DNAH14: variants seen among roughly 807,000 people sequenced by gnomAD.
The protein encoded by DNAH14 is axonemal beta dynein heavy chain 14.
DNAH14 carries 478 observed loss-of-function variants against 520.9 expected under a neutral mutation model. The ratio of observed to expected loss-of-function variants is 0.92; its 90% CI spans 0.85 to 0.99. DNAH14 has a LOEUF of 0.99. Among genes scored for constraint, DNAH14 ranks in the 50% least tolerant of loss-of-function variants. The pLI is 0.00. For synonymous variants in DNAH14, 1,581 were observed against 1,757.2 expected, an observed-to-expected ratio of 0.90 and a Z score of 2.51; for missense variants, 4,831 against 5,234.5, an observed-to-expected ratio of 0.92 and a Z score of 2.38.
At chr1:225,229,259 G>A (rs1225765105) in intron 41 of DNAH14, among the ~76,000 whole-genome samples, 1 of 152,070 alleles carries the variant, frequency 6.6e-6, no homozygotes, top group Non-Finnish European at 1.5e-5. Flanking sequence ...GAGTCTTTGG[G>A]ACAGACTCAG....
At chr1:225,366,199 A>G (rs1303560864) in intron 76 of DNAH14, among the ~76,000 whole-genome samples, 2 of 152,236 alleles carry the variant, frequency 1.3e-5, no homozygotes, top group African/African-American at 4.8e-5. Flanking sequence ...TAATGAAATA[A>G]CTACTCTCAC....
chr1:225,261,124 C>T (rs1198158445), intron 46 of DNAH14, among the ~76,000 whole-genome samples: 2 of 152,078 alleles, frequency 1.3e-5, no homozygotes, highest in African/African-American at 4.8e-5. Context: ...ATTTGTATGC[C>T]TTTTATTTCT....
At chr1:224,934,313 A>G (rs1032134863) in intron 1 of DNAH14, among the ~76,000 whole-genome samples, 2 of 152,002 alleles carry the variant, frequency 1.3e-5, no homozygotes, top group Non-Finnish European at 2.9e-5. Flanking sequence ...TGAATGAGTA[A>G]TTTCCTAAAG....
rs896274282 is a variant in DNAH14, at chr1:225,206,979, T to C, written c.6198T>C (p.Asp2066=). 1 of 1,498,114 alleles carries C rather than the reference T, an allele frequency of 6.7e-7. No individual in the cohort carries two copies. The highest frequency in any genetic ancestry group is 8.9e-7 in the Non-Finnish European group (1 of 1,123,906). 92.8% of individuals were successfully genotyped at this position (1,498,114 alleles called of 1,614,324 possible). A position where few individuals can be genotyped will look rare whatever the true frequency, so the allele number is the denominator to read the frequency against. The change falls in exon 41 of 86, where the codon GAT becomes GAC. Residue 2066 remains aspartate, a synonymous_variant. Transcript: ENST00000682510. ...RCAMVYMDPV[D]LGWEPYVKSW... is the part of the protein sequence containing the mutation. The stretch of plus-strand genomic sequence containing the variant: ...CTCCTTATTATTAGGATCCTGTTGA[T>C]CTGGGATGGGAACCTTATGTTAAGT...
At chr1:224,996,929 T>G (rs1402122575) in intron 8 of DNAH14, among the ~76,000 whole-genome samples, 1 of 152,064 alleles carries the variant, frequency 6.6e-6, no homozygotes, top group East Asian at 1.9e-4. Flanking sequence ...TTTGTTATAT[T>G]GCGCTGTGGT....
chr1:224,951,644 ATTTT>A (rs67437504), intron 1 of DNAH14, among the ~76,000 whole-genome samples: 5,414 of 80,024 alleles, frequency 0.068, 130 homozygotes, highest in East Asian at 0.25. Context: ...AGATTTCTGG[ATTTT>A]TTTTTTTTTT....
chr1:224,940,591 T>C (rs1240864795), intron 1 of DNAH14, among the ~76,000 whole-genome samples: 1 of 152,174 alleles, frequency 6.6e-6, no homozygotes, highest in Non-Finnish European at 1.5e-5. Flanking sequence ...TACATATGTA[T>C]GCATGTGCCG....
At chr1:225,174,184 CA>C (rs1559181928) in intron 36 of DNAH14, among the ~76,000 whole-genome samples, 1 of 152,082 alleles carries the variant, frequency 6.6e-6, no homozygotes. Context: ...ATGGGTACAG[CA>C]CACCAACATG....
At position 225,058,953 on chromosome 1, in the gene DNAH14, A is replaced by G. The variant is rs191878228; in HGVS notation, c.2424+7158A>G. On this transcript the variant is annotated intron_variant, in intron 17 of 85. Coordinates refer to ENST00000682510, the MANE Select transcript of DNAH14 (RefSeq NM_001367479.1). ...GCTGAGGAGAGCTTTACTTCCAACT[A>G]TGTGGTCAATTTTTGAATAGGTGTG... is the stretch of plus-strand genomic sequence containing the variant. 4.2e-3 allele frequency among the ~76,000 whole-genome samples: 636 copies of G among 152,232 alleles called. 4 individuals are homozygous for G. Among genetic ancestry groups the G allele is most frequent in the African/African-American group, 0.015 (605 of 41,530 alleles).
At chr1:224,964,447 T>TTA (rs2061031075) in intron 4 of DNAH14, 32 bp from the exon 5 acceptor site, 1 of 1,580,576 alleles carries the variant, frequency 6.3e-7, no homozygotes, top group Non-Finnish European at 8.6e-7. Flanking sequence ...ACATTTGCAC[T>TTA]TATACTGGAT....
chr1:225,138,082 C>T (rs2079113984), intron 27 of DNAH14, among the ~76,000 whole-genome samples: 1 of 151,866 alleles, frequency 6.6e-6, no homozygotes. Context: ...GACTAGGGAA[C>T]TGTGGATATG....
chr1:225,279,440 G>A (rs1304598037), intron 54 of DNAH14, among the ~76,000 whole-genome samples: 1 of 152,186 alleles, frequency 6.6e-6, no homozygotes, highest in Non-Finnish European at 1.5e-5. Flanking sequence ...TCTGCAGGGA[G>A]AAGCAACTGG....
chr1:225,380,470 T>C, intron 80 of DNAH14, 148 bp downstream of exon 80: 1 of 962,054 alleles, frequency 1.0e-6, no homozygotes. Context: ...GCCTCCTCTC[T>C]CCAAGTTGAA....
intron 72 of DNAH14, among the ~76,000 whole-genome samples, chr1:225,353,294 G>A (rs1017143423): frequency 3.3e-5 from 5 of 151,848 alleles, no homozygotes; most frequent in African/African-American, 1.2e-4. Flanking sequence ...GTGGTAAGAG[G>A]GGTCAGTATT....
chr1:225,192,482 T>G (rs2085574231), intron 37 of DNAH14, among the ~76,000 whole-genome samples: 1 of 152,124 alleles, frequency 6.6e-6, no homozygotes. Flanking sequence ...GGGTACTGTT[T>G]GTAGTATTAC....
At chr1:225,180,507 A>G (rs2083857428) in intron 36 of DNAH14, among the ~76,000 whole-genome samples, 1 of 152,226 alleles carries the variant, frequency 6.6e-6, no homozygotes, top group Non-Finnish European at 1.5e-5. Context: ...TGCCATGTGT[A>G]GATGTAACAC....
At chr1:225,342,933 C>G (rs1187554185) in intron 69 of DNAH14, among the ~76,000 whole-genome samples, 1 of 151,486 alleles carries the variant, frequency 6.6e-6, no homozygotes, top group African/African-American at 2.4e-5. Flanking sequence ...GTAGCCCATT[C>G]CTTATCATCC....
At chr1:225,131,396 C>T (rs144793377) in intron 27 of DNAH14, among the ~76,000 whole-genome samples, 136 of 152,252 alleles carry the variant, frequency 8.9e-4, no homozygotes, top group Non-Finnish European at 1.4e-3. Flanking sequence ...CTTCTGGAGG[C>T]CATTGGCATT....
At chr1:225,334,576 C>T (rs1574840528) in intron 66 of DNAH14, among the ~76,000 whole-genome samples, 1 of 152,146 alleles carries the variant, frequency 6.6e-6, no homozygotes, top group South Asian at 2.1e-4. Context: ...AAAGATGACA[C>T]TATTAGCAAA....
Sources: gnomAD v4.1 joint callset for allele counts (sites outside exome capture counted in the v4.1 genomes callset) on GRCh38, gnomAD v4.1.1 for gene constraint, MANE v1.5 for transcripts, NCBI Gene and HGNC (gene_info 2026-07-23, HGNC 2026-07-21) for gene names.